The following FRMPD4 variants were observed in gnomAD, a reference collection of about 807,000 sequenced individuals.
FRMPD4 encodes the protein FERM and PDZ domain containing 4.
FRMPD4 carries 22 observed loss-of-function variants against 94.1 expected under a neutral mutation model. That is an observed-to-expected ratio of 0.23 (90% CI 0.17 to 0.33). The LOEUF (loss-of-function observed/expected upper bound fraction) is 0.33. Among genes scored for constraint, FRMPD4 ranks in the 10% least tolerant of loss-of-function variants. FRMPD4 has a pLI of 1.00. For synonymous variants in FRMPD4, 631 were observed against 548.6 expected, an observed-to-expected ratio of 1.15 and a Z score of -2.10; for missense variants, 1,111 against 1,339.9, an observed-to-expected ratio of 0.83 and a Z score of 2.67.
intron 16 of FRMPD4, 149 bp downstream of exon 16, chrX:12,718,939 C>T (rs774584818): frequency 2.4e-6 from 1 of 417,490 alleles, no homozygotes. Flanking sequence ...AATCATTGAT[C>T]CCCTGGTATT....
intron 1 of FRMPD4, among the ~76,000 whole-genome samples, chrX:12,434,566 G>A (rs1472464960): frequency 8.9e-6 from 1 of 112,516 alleles, no homozygotes; most frequent in Non-Finnish European, 1.9e-5. Context: ...AGGCTCCTTG[G>A]CCTTAGTTAC....
intron 3 of FRMPD4, among the ~76,000 whole-genome samples, chrX:12,013,271 A>G (rs1428039366): frequency 3.6e-5 from 4 of 112,032 alleles, no homozygotes; most frequent in Non-Finnish European, 7.5e-5. Flanking sequence ...CCTTCCCTCC[A>G]TTATATCCCC....
chrX:12,073,057 G>A (rs1186646884), intron 3 of FRMPD4, among the ~76,000 whole-genome samples: 2 of 111,060 alleles, frequency 1.8e-5, no homozygotes, highest in African/African-American at 6.6e-5. Context: ...GGGTGTTAAA[G>A]GTTTATCTAA....
chrX:11,933,517 C>T (rs766208329), intron 3 of FRMPD4, among the ~76,000 whole-genome samples: 1 of 112,718 alleles, frequency 8.9e-6, no homozygotes, highest in East Asian at 2.8e-4. Context: ...AGTAGAATAT[C>T]AAATGTGTTA....
intron 5 of FRMPD4, among the ~76,000 whole-genome samples, chrX:12,675,877 G>A (rs764660155): frequency 1.6e-3 from 176 of 111,065 alleles, no homozygotes; most frequent in Middle Eastern, 9.2e-3. Context: ...TCCATCTTCT[G>A]ACCAAACTCT....
intron 3 of FRMPD4, among the ~76,000 whole-genome samples, chrX:11,947,459 G>A (rs754719029): frequency 1.2e-4 from 13 of 111,905 alleles, no homozygotes; most frequent in Non-Finnish European, 2.1e-4. Context: ...GATATAAAGC[G>A]AACACTTAGT....
intron 1 of FRMPD4, among the ~76,000 whole-genome samples, chrX:12,192,696 G>A (rs981968362): frequency 8.9e-6 from 1 of 111,780 alleles, no homozygotes; most frequent in African/African-American, 3.3e-5. Flanking sequence ...TTCCCAAATG[G>A]TAGTGTCCAT....
chrX:12,243,934 T>G (rs1438848591), intron 1 of FRMPD4, among the ~76,000 whole-genome samples: 3 of 103,837 alleles, frequency 2.9e-5, no homozygotes, highest in Non-Finnish European at 5.9e-5. Context: ...TAGCTGGGAC[T>G]ACAGGCATAC....
chrX:12,540,157 G>A (rs1216353289), intron 2 of FRMPD4, among the ~76,000 whole-genome samples: 1 of 112,069 alleles, frequency 8.9e-6, no homozygotes, highest in Admixed American at 9.5e-5. Flanking sequence ...AAAGACCATC[G>A]ATGCTAGGAA....
intron 1 of FRMPD4, among the ~76,000 whole-genome samples, chrX:12,211,531 CTTA>C (rs1411766276): frequency 8.9e-6 from 1 of 111,950 alleles, no homozygotes; most frequent in African/African-American, 3.2e-5. Flanking sequence ...GTATGGAAAT[CTTA>C]TTATTCTATT....
chrX:12,145,696 C>T (rs2055754882), intron 1 of FRMPD4, among the ~76,000 whole-genome samples: 1 of 112,697 alleles, frequency 8.9e-6, no homozygotes, highest in Non-Finnish European at 1.9e-5. Context: ...GTGACAGAAA[C>T]CACATGGCTT....
chrX:12,570,349 T>C lies in FRMPD4; in HGVS notation c.159-39372T>C, dbSNP rs1039963461. ...ATTTTTCTGAGATGGAATCTTGCTC[T>C]GTTGCCCAGGCAATGGCACGATCTC... On this transcript the variant is annotated intron_variant, in intron 2 of 16. Transcript: ENST00000675598. 8.1e-5 allele frequency among the ~76,000 whole-genome samples: 9 copies of C among 111,751 alleles called. No individual in the cohort carries two copies. In the South Asian group the frequency reaches 2.6e-3, roughly 33 times the overall value.
At chrX:11,868,707 T>C (rs1956960469) in intron 2 of FRMPD4, among the ~76,000 whole-genome samples, 2 of 112,039 alleles carry the variant, frequency 1.8e-5, no homozygotes, top group South Asian at 7.5e-4. Flanking sequence ...CCATAGCAAA[T>C]AATGAAAGCT....
At chrX:12,319,977 A>G (rs938316387) in intron 1 of FRMPD4, among the ~76,000 whole-genome samples, 2 of 112,171 alleles carry the variant, frequency 1.8e-5, no homozygotes, top group Non-Finnish European at 3.8e-5. Context: ...GGATTATTTC[A>G]GTAATAATCC....
chrX:11,905,795 G>C (rs1345384103), intron 3 of FRMPD4, among the ~76,000 whole-genome samples: 1 of 111,726 alleles, frequency 9.0e-6, no homozygotes, highest in Non-Finnish European at 1.9e-5. Context: ...TGGAGGTATA[G>C]ACTAAAAAAG....
chrX:12,648,634 T>C (rs1311749882), intron 4 of FRMPD4, among the ~76,000 whole-genome samples: 3 of 112,344 alleles, frequency 2.7e-5, no homozygotes, highest in African/African-American at 9.7e-5. Flanking sequence ...GTCAACGTTA[T>C]TGTGGAGATT....
chrX:12,199,237 ATGTG>A lies in FRMPD4; in HGVS notation c.41+60255_41+60258del, dbSNP rs5901464. Reference sequence around the variant, plus strand: ...GACAATTTAAATGTTAGAAAGGAAAATGTGTGTGTGTGTGTGTGTGTGTGTGTGT... The same window carrying A: ...GACAATTTAAATGTTAGAAAGGAAAATGTGTGTGTGTGTGTGTGTGTGTGT... On this transcript the variant is annotated intron_variant, in intron 1 of 16. Coordinates refer to ENST00000675598, the MANE Select transcript of FRMPD4 (RefSeq NM_001368397.1). 3.6e-3 allele frequency among the ~76,000 whole-genome samples: 324 copies of A among 91,171 alleles called. 2 individuals are homozygous for A. The highest frequency in any genetic ancestry group is 6.5e-3 in the African/African-American group (156 of 24,076). 79.2% of individuals were successfully genotyped at this position (91,171 alleles called of 115,157 possible).
chrX:12,242,621 A>G (rs139453348), intron 1 of FRMPD4, among the ~76,000 whole-genome samples: 112 of 112,690 alleles, frequency 9.9e-4, no homozygotes, highest in African/African-American at 3.5e-3. Flanking sequence ...TGCAAATTAC[A>G]TCTTCCTCCT....
At chrX:12,514,965 A>AT (rs1440911217) in intron 2 of FRMPD4, among the ~76,000 whole-genome samples, 1 of 110,999 alleles carries the variant, frequency 9.0e-6, no homozygotes, top group African/African-American at 3.3e-5. Flanking sequence ...TATGTCCAGG[A>AT]TTTTTTCCAT....
Sources: allele counts gnomAD v4.1 joint callset (sites outside exome capture counted in the v4.1 genomes callset), GRCh38; gene constraint gnomAD v4.1.1; transcripts MANE v1.5; gene names NCBI Gene and HGNC (gene_info 2026-07-23, HGNC 2026-07-21).